RND3: variants seen among roughly 807,000 people sequenced by gnomAD.
RND3 encodes the protein Rho family GTPase 3, also known as rho-related GTP-binding protein RhoE.
Under a neutral mutation model 26.5 loss-of-function variants are expected in RND3, and 8 were observed. The ratio of observed to expected loss-of-function variants is 0.30; its 90% CI spans 0.18 to 0.54. RND3 has a LOEUF of 0.54. RND3 is among the 20% of genes least tolerant of loss of function. The pLI is 0.94. For synonymous variants in RND3, 113 were observed against 113.0 expected (o/e 1.00, Z 0.00); for missense variants, 207 against 302.8 (o/e 0.68, Z 2.35).
Position 150,486,959 on chromosome 2 carries a change from C to T in RND3, c.151-178G>A, listed in dbSNP as rs981427132. 36 of 635,780 alleles carry T rather than the reference C, an allele frequency of 5.7e-5. No homozygotes were observed. Among genetic ancestry groups the T allele is most frequent in the South Asian group, 3.2e-4 (18 of 55,730 alleles). The allele number at this position is 635,780 out of a possible 1,614,324, so 39.4% of individuals were successfully genotyped here. On this transcript the variant is annotated intron_variant, in intron 2 of 5. Coordinates refer to ENST00000263895, the MANE Select transcript of RND3 (RefSeq NM_005168.5). This position sits in a 1 kb window ranked among gnomAD's most constrained non-coding sequence, Gnocchi z 4.5. ...TTTCCGAAACCCCTGTCCTACTCCC[C>T]ACTCACCCCACCCGGCTCTCACAGA...
rs1020921572 is a variant in RND3 at position 150,468,897 on chromosome 2, A to G, written c.*1090T>C. 7.2e-5 allele frequency: 11 copies of G among 152,624 alleles called. No homozygotes were observed. Among genetic ancestry groups the G allele is most frequent in the Admixed American group, 6.5e-4 (10 of 15,268 alleles). 9.5% of individuals were successfully genotyped at this position (152,624 alleles called of 1,614,324 possible). On this transcript the variant is annotated 3_prime_UTR_variant, in exon 6 of 6. Coordinates refer to ENST00000263895, the MANE Select transcript of RND3 (RefSeq NM_005168.5). Reference sequence around the variant, plus strand: ...ATTCTCTAAAGCTTGGGTAAGTGGCATCTTCTCTCATCAATGTTCATTTAA... The same window carrying G: ...ATTCTCTAAAGCTTGGGTAAGTGGCGTCTTCTCTCATCAATGTTCATTTAA...
At chr2:150,471,360 T>G (rs1686085950) in intron 5 of RND3, among the ~76,000 whole-genome samples, 1 of 152,200 alleles carries the variant, frequency 6.6e-6, no homozygotes, top group South Asian at 2.1e-4. Context: ...TAAAGAGTAT[T>G]ACTGATTTTG....
In RND3 at chr2:150,469,296, C is replaced by T. The variant is rs528158812; in HGVS notation, c.*691G>A. The T allele has an allele frequency of 2.6e-5, 4 of 152,602 alleles. No individual in the cohort carries two copies. The highest frequency in any genetic ancestry group is 1.9e-4 in the East Asian group (1 of 5,172). 9.5% of individuals were successfully genotyped at this position (152,602 alleles called of 1,614,324 possible). On this transcript the variant is annotated 3_prime_UTR_variant, in exon 6 of 6. Coordinates refer to ENST00000263895, the MANE Select transcript of RND3 (RefSeq NM_005168.5). ...CAGAACCATCAGACTGAATAAAAAT[C>T]GACATTTTTTTTCCTATTTGATCTA... is the stretch of plus-strand genomic sequence containing the variant.
At chr2:150,478,918 C>T (rs910466572) in intron 3 of RND3, among the ~76,000 whole-genome samples, 4 of 152,162 alleles carry the variant, frequency 2.6e-5, no homozygotes, top group Non-Finnish European at 5.9e-5. Flanking sequence ...AACTTTTAAG[C>T]TCGCAACCCT....
chr2:150,473,997 ATC>A (rs1686126047), intron 4 of RND3, among the ~76,000 whole-genome samples: 1 of 152,182 alleles, frequency 6.6e-6, no homozygotes, highest in African/African-American at 2.4e-5. Context: ...TCCAACAAGG[ATC>A]TGATTCTGAA....
chr2:150,471,999 G>A (rs1242745866), intron 4 of RND3: 2 of 435,562 alleles, frequency 4.6e-6, no homozygotes, highest in East Asian at 4.2e-5. Context: ...CCCTCTCTGT[G>A]ACTCATCTGT....
chr2:150,470,346 T>TA, intron 5 of RND3, 108 bp from the exon 6 acceptor site: 1 of 1,225,246 alleles, frequency 8.2e-7, no homozygotes, highest in Non-Finnish European at 1.1e-6. Context: ...CGTTTGCTGA[T>TA]ATGTTAACTG....
At chr2:150,485,405 A>G (rs1378447542) in intron 3 of RND3, 1 of 152,212 alleles carries the variant, frequency 6.6e-6, no homozygotes, top group Non-Finnish European at 1.5e-5. Flanking sequence ...TGGGAAGCTC[A>G]CAGAAACACC....
At chr2:150,481,233 C>T (rs1314232232) in intron 3 of RND3, among the ~76,000 whole-genome samples, 3 of 152,184 alleles carry the variant, frequency 2.0e-5, no homozygotes, top group African/African-American at 7.2e-5. Context: ...TTGTGGCCTT[C>T]AAGAACTCTT....
intron 3 of RND3, among the ~76,000 whole-genome samples, chr2:150,475,428 A>C (rs1340036283): frequency 6.6e-6 from 1 of 152,206 alleles, no homozygotes; most frequent in Non-Finnish European, 1.5e-5. Flanking sequence ...AAACCCAGGC[A>C]GGGCCTGGCT....
intron 3 of RND3, chr2:150,485,461 C>G (rs1011479399): frequency 2.0e-5 from 3 of 152,418 alleles, no homozygotes; most frequent in African/African-American, 7.2e-5. Context: ...CTCGGGGCCT[C>G]CCCGCCTAAC....
At position 150,486,134 on chromosome 2, in the gene RND3, C is replaced by A. The variant is rs1001918160; in HGVS notation, c.238+560G>T. ...AGGTTCAGCTGCTGCCCGGCCCCTG[C>A]GCCACCAGCGCATTCCTGGGTGTAG... On this transcript the variant is annotated intron_variant, in intron 3 of 5. Transcript: ENST00000263895. The surrounding 1 kb of genome is among the most constrained non-coding windows in gnomAD (Gnocchi z 4.5). Among the ~76,000 whole-genome samples, 11 of 152,012 alleles carry A rather than the reference C, an allele frequency of 7.2e-5. No homozygotes were observed. Among genetic ancestry groups the A allele is most frequent in the East Asian group, 1.9e-4 (1 of 5,152 alleles).
intron 4 of RND3, among the ~76,000 whole-genome samples, chr2:150,473,409 C>A (rs913161280): frequency 6.6e-6 from 1 of 152,106 alleles, no homozygotes; most frequent in Non-Finnish European, 1.5e-5. Context: ...CAAGTAAAAT[C>A]TCTAGTAAAT....
Position 150,487,474 on chromosome 2 carries a change from A to AAAAATATATATATATATAT in RND3, c.-38-20_-38-19insATATATATATATATATTTT. On this transcript the variant is annotated intron_variant, in intron 1 of 5. Coordinates refer to ENST00000263895, the MANE Select transcript of RND3 (RefSeq NM_005168.5). ...ATTTTCTCTTAAGAAGAAAAAAAAA[A>AAAAATATATATATATATAT]ATATATATATATATATATATTTCTC... The AAAAATATATATATATATAT allele has an allele frequency of 2.9e-3, 582 of 200,620 alleles. 3 individuals are homozygous for AAAAATATATATATATATAT. Among genetic ancestry groups the AAAAATATATATATATATAT allele is most frequent in the Non-Finnish European group, 3.4e-3 (389 of 114,556 alleles). The allele number at this position is 200,620 out of a possible 1,614,324, so 12.4% of individuals were successfully genotyped here.
At chr2:150,474,769 T>C in intron 4 of RND3, 106 bp downstream of exon 4, 1 of 577,762 alleles carries the variant, frequency 1.7e-6, no homozygotes, top group Admixed American at 3.1e-5. Flanking sequence ...AATTACAAAT[T>C]GTAAGGCAGG....
chr2:150,483,730 A>G (rs2105223109), intron 3 of RND3, among the ~76,000 whole-genome samples: 1 of 152,352 alleles, frequency 6.6e-6, no homozygotes, highest in South Asian at 2.1e-4. Context: ...TGCTAGATAT[A>G]AACAACAAAT....
Position 150,486,263 on chromosome 2 carries a change from C to G in RND3, c.238+431G>C, listed in dbSNP as rs547605255. ...GGGATTTTCTCCCGCCTCCCATCACCCCCGCGGCGCTCCCCGCCTCCCCGC... is the reference window on the plus strand; with the variant it reads ...GGGATTTTCTCCCGCCTCCCATCACGCCCGCGGCGCTCCCCGCCTCCCCGC... On this transcript the variant is annotated intron_variant, in intron 3 of 5. Transcript: ENST00000263895. This position sits in a 1 kb window ranked among gnomAD's most constrained non-coding sequence, Gnocchi z 4.5. 7.4e-4 allele frequency among the ~76,000 whole-genome samples: 112 copies of G among 152,220 alleles called. No homozygotes were observed. The highest frequency in any genetic ancestry group is 1.5e-3 in the Non-Finnish European group (100 of 68,040).
chr2:150,474,934 C>T lies in RND3; in HGVS notation c.289G>A (p.Ala97Thr), dbSNP rs1355458423. The T allele has an allele frequency of 1.1e-5, 17 of 1,613,462 alleles. No individual in the cohort carries two copies. The highest frequency in any genetic ancestry group is 1.4e-5 in the Non-Finnish European group (17 of 1,179,638). Residue 97 changes from alanine to threonine, a missense_variant, in exon 4 of 6, where the codon GCT becomes ACT. Transcript: ENST00000263895. The stretch of plus-strand genomic sequence containing the variant: ...CTGATGTCAAAGCAAATCAGCACAG[C>T]ATCCGAATCAGGGTAAGAGAGGGGG... Reference protein sequence around the residue: ...VRPLSYPDSDAVLICFDISRP... With the variant: ...VRPLSYPDSDTVLICFDISRP...
intron 3 of RND3, among the ~76,000 whole-genome samples, chr2:150,483,908 T>C (rs1206757582): frequency 2.0e-5 from 3 of 152,248 alleles, no homozygotes; most frequent in African/African-American, 4.8e-5. Context: ...TAAGATTTCA[T>C]TACCGGATAA....
Sources: gnomAD v4.1 joint callset for allele counts (sites outside exome capture counted in the v4.1 genomes callset) on GRCh38, gnomAD v4.1.1 for gene constraint, Gnocchi (gnomAD v3.1) non-coding constraint, MANE v1.5 for transcripts, NCBI Gene and HGNC (gene_info 2026-07-23, HGNC 2026-07-21) for gene names.